The following PON3 variants were observed in gnomAD, a reference collection of about 807,000 sequenced individuals.
PON3 encodes the protein paraoxonase 3.
A neutral mutation model predicts 36.3 loss-of-function variants in PON3; 37 were observed. That is an observed-to-expected ratio of 1.02 (90% CI 0.78 to 1.34). PON3 has a LOEUF of 1.34. PON3 is among the 40% of genes most tolerant of loss of function. The probability of loss-of-function intolerance (pLI) is 0.00; values close to 1 mark genes in which losing one functional copy is unlikely to be tolerated. For synonymous variants in PON3, 155 were observed against 154.8 expected, an observed-to-expected ratio of 1.00 and a Z score of -0.01; for missense variants, 415 against 426.5, an observed-to-expected ratio of 0.97 and a Z score of 0.24.
At chr7:95,362,884 G>C (rs745948569) in intron 6 of PON3, 43 bp from the exon 7 acceptor site, 3 of 1,363,558 alleles carry the variant, frequency 2.2e-6, no homozygotes, top group African/African-American at 1.4e-5. Flanking sequence ...GTGGTAATGA[G>C]AGACAACACT....
intron 5 of PON3, 34 bp downstream of exon 5, chr7:95,367,328 G>C (rs1373048689): frequency 6.2e-7 from 1 of 1,606,838 alleles, no homozygotes; most frequent in Non-Finnish European, 8.5e-7. Context: ...GAGGTGCAAA[G>C]TAAATAGAAC....
chr7:95,390,519 C>T (rs904743855), intron 2 of PON3, among the ~76,000 whole-genome samples: 2 of 152,142 alleles, frequency 1.3e-5, no homozygotes, highest in Non-Finnish European at 2.9e-5. Flanking sequence ...CAGGGCATAT[C>T]CTGAGAGATT....
At chr7:95,381,168 C>T (rs1162492255) in intron 3 of PON3, among the ~76,000 whole-genome samples, 1 of 152,164 alleles carries the variant, frequency 6.6e-6, no homozygotes, top group Non-Finnish European at 1.5e-5. Context: ...ATTTGGTCAC[C>T]ACCAGGCCTG....
chr7:95,394,049 G>A (rs1249923242), intron 2 of PON3, among the ~76,000 whole-genome samples: 1 of 151,974 alleles, frequency 6.6e-6, no homozygotes, highest in Non-Finnish European at 1.5e-5. Context: ...GGCACACGCC[G>A]CCAACATGCC....
At position 95,372,164 on chromosome 7, in the gene PON3, A is replaced by C. The variant is rs1808821806; in HGVS notation, c.367+9T>G. ...ATTTCCCCCTTATCCCTAAACATAC[A>C]GGTTTTACCTTTGTCGATGAAAATA... On this transcript the variant is annotated intron_variant, in intron 4 of 8. Coordinates refer to ENST00000265627, the MANE Select transcript of PON3 (RefSeq NM_000940.3). The C allele has an allele frequency of 1.2e-6, 2 of 1,611,718 alleles. No homozygotes were observed. Among genetic ancestry groups the C allele is most frequent in the Non-Finnish European group, 1.7e-6 (2 of 1,178,010 alleles).
intron 3 of PON3, among the ~76,000 whole-genome samples, chr7:95,382,227 C>G (rs992308135): frequency 1.3e-5 from 2 of 152,188 alleles, no homozygotes; most frequent in Admixed American, 1.3e-4. Flanking sequence ...ATTTATAGCA[C>G]TAAATGCCCA....
At chr7:95,394,951 A>G (rs1265637275) in intron 1 of PON3, among the ~76,000 whole-genome samples, 1 of 152,224 alleles carries the variant, frequency 6.6e-6, no homozygotes, top group Non-Finnish European at 1.5e-5. Flanking sequence ...GTATAATATG[A>G]TTCAACATGG....
intron 3 of PON3, among the ~76,000 whole-genome samples, chr7:95,388,342 T>C (rs1396603817): frequency 6.6e-6 from 1 of 152,186 alleles, no homozygotes; most frequent in Non-Finnish European, 1.5e-5. Flanking sequence ...GAATAAATGC[T>C]CATCATCACT....
chr7:95,367,579 T>C, intron 4 of PON3, 91 bp from the exon 5 acceptor site: 1 of 1,424,492 alleles, frequency 7.0e-7, no homozygotes. Flanking sequence ...TTCCAAAAGT[T>C]TTCTTCTTAC....
chr7:95,382,732 G>T (rs1809090576), intron 3 of PON3, among the ~76,000 whole-genome samples: 1 of 152,102 alleles, frequency 6.6e-6, no homozygotes, highest in Non-Finnish European at 1.5e-5. Flanking sequence ...ACCAAAAAAA[G>T]TCCAGGATCA....
intron 3 of PON3, among the ~76,000 whole-genome samples, chr7:95,386,189 A>C (rs1002959404): frequency 3.3e-5 from 5 of 152,222 alleles, no homozygotes; most frequent in Non-Finnish European, 5.9e-5. Context: ...CAATGAATGC[A>C]GGAGCTGCTC....
chr7:95,378,518 C>T (rs559219349), intron 3 of PON3, among the ~76,000 whole-genome samples: 4 of 152,278 alleles, frequency 2.6e-5, no homozygotes, highest in African/African-American at 9.6e-5. Context: ...GGCTGGGTTA[C>T]CCACAAAAGG....
intron 3 of PON3, among the ~76,000 whole-genome samples, chr7:95,388,363 G>C (rs1809247482): frequency 6.6e-6 from 1 of 152,202 alleles, no homozygotes; most frequent in Non-Finnish European, 1.5e-5. Context: ...GGTCATCAGA[G>C]AAATGTAAAT....
At chr7:95,374,333 C>T (rs1175223397) in intron 3 of PON3, among the ~76,000 whole-genome samples, 1 of 151,998 alleles carries the variant, frequency 6.6e-6, no homozygotes, top group Non-Finnish European at 1.5e-5. Context: ...TCCCTCTTTT[C>T]TCAAGTAAGA....
chr7:95,380,097 G>A (rs752488011), intron 3 of PON3, among the ~76,000 whole-genome samples: 39 of 152,174 alleles, frequency 2.6e-4, no homozygotes, highest in Non-Finnish European at 4.1e-4. Context: ...AAACAGGGTC[G>A]GAGTGGACCT....
intron 4 of PON3, among the ~76,000 whole-genome samples, chr7:95,369,551 G>A (rs984933430): frequency 6.6e-6 from 1 of 152,160 alleles, no homozygotes; most frequent in Non-Finnish European, 1.5e-5. Flanking sequence ...AAGGCAGGTG[G>A]ATCACCTGAG....
chr7:95,396,028 A>G, intron 1 of PON3: 1 of 544,704 alleles, frequency 1.8e-6, no homozygotes. Context: ...ACCTTCAGAA[A>G]GCAAAGTGGG....
At chr7:95,362,058 A>G (rs1485338010) in intron 8 of PON3, among the ~76,000 whole-genome samples, 1 of 152,182 alleles carries the variant, frequency 6.6e-6, no homozygotes, top group Non-Finnish European at 1.5e-5. Flanking sequence ...TCTAACTGCA[A>G]GACCTACCTG....
In PON3 at chr7:95,386,998, A is replaced by C. The variant is rs188968974; in HGVS notation, c.201+3156T>G. On this transcript the variant is annotated intron_variant, in intron 3 of 8. Coordinates refer to ENST00000265627, the MANE Select transcript of PON3 (RefSeq NM_000940.3). Reference sequence around the variant, plus strand: ...ATAGAACGTATCTCAAAATAATAAGAGCTATTTATGACAAATCCACAGCCA... The same window carrying C: ...ATAGAACGTATCTCAAAATAATAAGCGCTATTTATGACAAATCCACAGCCA... 1.6e-3 allele frequency among the ~76,000 whole-genome samples: 244 copies of C among 152,318 alleles called. 1 individual carries two copies. Among genetic ancestry groups the C allele is most frequent in the Non-Finnish European group, 2.0e-3 (137 of 68,026 alleles).
Sources: gnomAD v4.1 joint callset for allele counts (sites outside exome capture counted in the v4.1 genomes callset) on GRCh38, gnomAD v4.1.1 for gene constraint, MANE v1.5 for transcripts, NCBI Gene and HGNC (gene_info 2026-07-23, HGNC 2026-07-21) for gene names.